FRMPD4: variants seen among roughly 807,000 people sequenced by gnomAD.
The protein encoded by FRMPD4 is FERM and PDZ domain containing 4, also known as FERM and PDZ domain-containing protein 4.
In FRMPD4, 22 loss-of-function variants were observed where a neutral mutation model predicts 94.1. That is an observed-to-expected ratio of 0.23 (90% confidence interval 0.17 to 0.33). The LOEUF (loss-of-function observed/expected upper bound fraction) is 0.33. Among genes scored for constraint, FRMPD4 ranks in the 10% least tolerant of loss-of-function variants. FRMPD4 has a pLI of 1.00. For synonymous variants in FRMPD4, 631 were observed against 548.6 expected (o/e 1.15, Z -2.10); for missense variants, 1,111 against 1,339.9 (o/e 0.83, Z 2.67).
At chrX:12,459,960 ATT>A (rs1369894883) in intron 1 of FRMPD4, among the ~76,000 whole-genome samples, 1 of 111,891 alleles carries the variant, frequency 8.9e-6, no homozygotes, top group African/African-American at 3.2e-5. Context: ...AACAGTTGAT[ATT>A]GTCAGTCTTT....
At chrX:11,989,304 A>G (rs2054450757) in intron 3 of FRMPD4, among the ~76,000 whole-genome samples, 1 of 112,087 alleles carries the variant, frequency 8.9e-6, no homozygotes, top group African/African-American at 3.2e-5. Context: ...CAGCCATAAA[A>G]GAGAATGGGA....
intron 3 of FRMPD4, among the ~76,000 whole-genome samples, chrX:12,007,451 C>G (rs746465527): frequency 4.0e-4 from 45 of 111,977 alleles, no homozygotes; most frequent in African/African-American, 1.5e-3. Context: ...TTTTTCTACT[C>G]TTTCCCATGG....
intron 3 of FRMPD4, among the ~76,000 whole-genome samples, chrX:11,984,878 G>A (rs192244216): frequency 9.8e-5 from 11 of 112,200 alleles, no homozygotes; most frequent in African/African-American, 3.2e-4. Flanking sequence ...ATGGGCAAAG[G>A]TCTTGAATAG....
At chrX:12,509,285 A>G (rs2058019133) in intron 2 of FRMPD4, among the ~76,000 whole-genome samples, 1 of 112,007 alleles carries the variant, frequency 8.9e-6, no homozygotes, top group Admixed American at 9.5e-5. Context: ...TTGCACATGC[A>G]TGTTTACAGC....
chrX:12,611,141 C>T (rs1386869026), intron 3 of FRMPD4, among the ~76,000 whole-genome samples: 2 of 112,413 alleles, frequency 1.8e-5, no homozygotes, highest in East Asian at 5.5e-4. Context: ...GATGCAATCG[C>T]CTGAAGTGGG....
At chrX:12,569,850 T>C (rs1018480299) in intron 2 of FRMPD4, among the ~76,000 whole-genome samples, 2 of 111,916 alleles carry the variant, frequency 1.8e-5, no homozygotes, top group Non-Finnish European at 1.9e-5. Flanking sequence ...CAGTACTTGG[T>C]ATAGCATTAG....
At chrX:12,363,139 T>C (rs777787634) in intron 1 of FRMPD4, among the ~76,000 whole-genome samples, 43 of 112,386 alleles carry the variant, frequency 3.8e-4, no homozygotes, top group African/African-American at 1.4e-3. Flanking sequence ...GTAAAAATTT[T>C]CTCCCATTCT....
At chrX:12,554,720 C>T (rs1018605006) in intron 2 of FRMPD4, among the ~76,000 whole-genome samples, 3 of 111,553 alleles carry the variant, frequency 2.7e-5, no homozygotes, top group African/African-American at 6.5e-5. Flanking sequence ...CTCAGGTGAT[C>T]GTCCCACCTC....
chrX:12,561,933 T>C (rs2058664041), intron 2 of FRMPD4, among the ~76,000 whole-genome samples: 1 of 112,392 alleles, frequency 8.9e-6, no homozygotes, highest in South Asian at 3.7e-4. Context: ...CGAGCAGACA[T>C]CTCTAATTGT....
chrX:12,376,790 A>T (rs1315691992), intron 1 of FRMPD4, among the ~76,000 whole-genome samples: 1 of 112,861 alleles, frequency 8.9e-6, no homozygotes, highest in African/African-American at 3.2e-5. Context: ...TCAGTCTCCT[A>T]TGAGTTTGGT....
intron 1 of FRMPD4, among the ~76,000 whole-genome samples, chrX:12,141,484 TAG>T (rs757765931): frequency 2.1e-4 from 24 of 112,240 alleles, no homozygotes; most frequent in Admixed American, 2.8e-4. Flanking sequence ...TTTGACTTTT[TAG>T]AGTGTCTACA....
intron 3 of FRMPD4, among the ~76,000 whole-genome samples, chrX:11,954,558 G>A (rs1310235138): frequency 9.0e-6 from 1 of 111,682 alleles, no homozygotes; most frequent in Non-Finnish European, 1.9e-5. Context: ...GCAACTAAGA[G>A]CAGGGGGATC....
intron 2 of FRMPD4, among the ~76,000 whole-genome samples, chrX:12,512,054 C>T (rs189951273): frequency 3.6e-4 from 40 of 111,958 alleles, no homozygotes; most frequent in Admixed American, 3.3e-3. Flanking sequence ...AGTCAGCAGC[C>T]ATCAACACCG....
chrX:12,317,094 T>C (rs2055129426), intron 1 of FRMPD4, among the ~76,000 whole-genome samples: 1 of 112,025 alleles, frequency 8.9e-6, no homozygotes, highest in African/African-American at 3.2e-5. Flanking sequence ...GGATTTCAAG[T>C]AAATGGCAAA....
intron 1 of FRMPD4, among the ~76,000 whole-genome samples, chrX:12,388,610 TAAAA>T (rs59101475): frequency 1.1e-5 from 1 of 94,634 alleles, no homozygotes; most frequent in East Asian, 3.2e-4. Context: ...CTCAAAAAAT[TAAAA>T]AAAAAAAAAC....
chrX:12,120,711 C>T (rs1344093041), intron 3 of FRMPD4, among the ~76,000 whole-genome samples: 1 of 111,778 alleles, frequency 8.9e-6, no homozygotes, highest in Non-Finnish European at 1.9e-5. Flanking sequence ...TTGGGTGAAG[C>T]AAAAAATCTT....
At chrX:12,478,982 G>C (rs974061939) in intron 1 of FRMPD4, among the ~76,000 whole-genome samples, 2 of 111,388 alleles carry the variant, frequency 1.8e-5, no homozygotes, top group African/African-American at 6.5e-5. Context: ...CAATGGAGTG[G>C]GGGAAGAGAG....
At chrX:11,967,756 G>GTGTGTGTGTT (rs36019385) in intron 3 of FRMPD4, among the ~76,000 whole-genome samples, 1 of 65,558 alleles carries the variant, frequency 1.5e-5, no homozygotes, top group African/African-American at 5.3e-5. Flanking sequence ...GTGTGTGTGT[G>GTGTGTGTGTT]TTTTTTTTTT....
At chrX:12,438,995 TTATAAGGA>T (rs1270450565) in intron 1 of FRMPD4, among the ~76,000 whole-genome samples, 2 of 111,087 alleles carry the variant, frequency 1.8e-5, no homozygotes, top group African/African-American at 6.6e-5. Context: ...CACACTATCC[TTATAAGGA>T]TATGTTTGTA....
Sources: allele counts gnomAD v4.1 joint callset (sites outside exome capture counted in the v4.1 genomes callset), GRCh38; gene constraint gnomAD v4.1.1; transcripts MANE v1.5; gene names NCBI Gene and HGNC (gene_info 2026-07-23, HGNC 2026-07-21).